The following ZDHHC14 variants were observed in gnomAD, a reference collection of about 807,000 sequenced individuals.
ZDHHC14 encodes palmitoyltransferase ZDHHC14.
Under a neutral mutation model 47.7 loss-of-function variants are expected in ZDHHC14, and 16 were observed. The observed-to-expected ratio is 0.34, with a 90% CI of 0.23 to 0.51. The LOEUF is 0.51. Among genes scored for constraint, ZDHHC14 ranks in the 20% least tolerant of loss-of-function variants. ZDHHC14 has a pLI of 0.97. For missense variants in ZDHHC14, 515 were observed against 662.5 expected, an observed-to-expected ratio of 0.78 and a Z score of 2.44; for synonymous variants, 293 against 278.9, an observed-to-expected ratio of 1.05 and a Z score of -0.50.
At chr6:157,493,219 AAG>A (rs1225474634) in intron 1 of ZDHHC14, among the ~76,000 whole-genome samples, 1 of 152,200 alleles carries the variant, frequency 6.6e-6, no homozygotes, top group Non-Finnish European at 1.5e-5. Context: ...TGGGCGCAGG[AAG>A]AGAGGAGTCA....
chr6:157,534,291 G>A (rs147563373), intron 1 of ZDHHC14, among the ~76,000 whole-genome samples: 47 of 152,238 alleles, frequency 3.1e-4, no homozygotes, highest in Middle Eastern at 3.4e-3. Context: ...GATGCCTTAC[G>A]GTTCCAGGAT....
At chr6:157,523,771 C>T (rs1242646599) in intron 1 of ZDHHC14, among the ~76,000 whole-genome samples, 1 of 149,964 alleles carries the variant, frequency 6.7e-6, no homozygotes, top group South Asian at 2.1e-4. Context: ...GACAGTTGTG[C>T]GTGCCTGTAG....
At chr6:157,666,592 C>T (rs1778564104) in intron 8 of ZDHHC14, among the ~76,000 whole-genome samples, 1 of 152,160 alleles carries the variant, frequency 6.6e-6, no homozygotes. Context: ...AGCAGAAATA[C>T]ATGATGCGTA....
intron 3 of ZDHHC14, among the ~76,000 whole-genome samples, chr6:157,627,539 C>G (rs1268838657): frequency 6.6e-6 from 1 of 152,162 alleles, no homozygotes; most frequent in East Asian, 1.9e-4. Flanking sequence ...GTGCAGATGT[C>G]CAGGTGAGAG....
At chr6:157,460,669 G>A (rs1255967039) in intron 1 of ZDHHC14, among the ~76,000 whole-genome samples, 1 of 152,202 alleles carries the variant, frequency 6.6e-6, no homozygotes, top group Non-Finnish European at 1.5e-5. Flanking sequence ...CAGAAGTCTG[G>A]AATGTGTGTC....
At chr6:157,434,218 T>TTATATATA (rs373321908) in intron 1 of ZDHHC14, among the ~76,000 whole-genome samples, 19,399 of 146,292 alleles carry the variant, frequency 0.13, 1,318 homozygotes, top group South Asian at 0.17. Flanking sequence ...GCTTATAATT[T>TTATATATA]TATATATATA....
In ZDHHC14 at chr6:157,427,793, A is replaced by G. The variant is rs1426188847; in HGVS notation, c.245+45527A>G. ...GACCACCTTCCATCGGAGTGTGGAA[A>G]CAGGTTTTCATCAAGATCCTTTCCA... On this transcript the variant is annotated intron_variant, in intron 1 of 8. Coordinates refer to ENST00000359775, the MANE Select transcript of ZDHHC14 (RefSeq NM_024630.3). This position sits in a 1 kb window ranked among gnomAD's most constrained non-coding sequence, Gnocchi z 4.4. Among the ~76,000 whole-genome samples, 1 of 152,158 alleles carries G rather than the reference A, an allele frequency of 6.6e-6. No individual in the cohort carries two copies. Among genetic ancestry groups the G allele is most frequent in the African/African-American group, 2.4e-5 (1 of 41,422 alleles).
intron 2 of ZDHHC14, among the ~76,000 whole-genome samples, chr6:157,571,778 T>A (rs1315596804): frequency 2.2e-5 from 3 of 134,630 alleles, no homozygotes; most frequent in African/African-American, 8.5e-5. Context: ...GAATCTGTAT[T>A]TTTTTTTTTT....
At chr6:157,436,078 A>G (rs539669769) in intron 1 of ZDHHC14, among the ~76,000 whole-genome samples, 49 of 152,184 alleles carry the variant, frequency 3.2e-4, no homozygotes, top group African/African-American at 1.1e-3. Context: ...AGGGAAGGCA[A>G]GTAGGTGGAG....
At chr6:157,531,255 G>T (rs1204072812) in intron 1 of ZDHHC14, among the ~76,000 whole-genome samples, 3 of 150,406 alleles carry the variant, frequency 2.0e-5, no homozygotes, top group African/African-American at 7.4e-5. Context: ...GAGGCACTGG[G>T]GATGCCACAG....
intron 1 of ZDHHC14, among the ~76,000 whole-genome samples, chr6:157,540,924 A>G (rs1470895337): frequency 9.7e-5 from 10 of 102,582 alleles, no homozygotes; most frequent in African/African-American, 1.5e-4. Flanking sequence ...ATATATATAT[A>G]TATATATATA....
At chr6:157,398,421 C>T (rs1777566221) in intron 1 of ZDHHC14, among the ~76,000 whole-genome samples, 1 of 152,178 alleles carries the variant, frequency 6.6e-6, no homozygotes, top group Non-Finnish European at 1.5e-5. Flanking sequence ...GCTCTGTCCC[C>T]TCTGGGGCTA....
At chr6:157,471,551 A>T (rs1779355584) in intron 1 of ZDHHC14, among the ~76,000 whole-genome samples, 1 of 152,236 alleles carries the variant, frequency 6.6e-6, no homozygotes, top group Non-Finnish European at 1.5e-5. Flanking sequence ...GATGAGAAGG[A>T]AGACGTTATC....
chr6:157,404,431 G>T (rs1010155895), intron 1 of ZDHHC14, among the ~76,000 whole-genome samples: 1 of 152,062 alleles, frequency 6.6e-6, no homozygotes, highest in Non-Finnish European at 1.5e-5. Context: ...CACTGTTCCC[G>T]GCCGGAAAAT....
intron 5 of ZDHHC14, among the ~76,000 whole-genome samples, chr6:157,645,516 G>T (rs542552156): frequency 3.8e-4 from 58 of 152,292 alleles, no homozygotes; most frequent in Non-Finnish European, 7.4e-4. Flanking sequence ...AGCCACAGAG[G>T]CTGCTCCACG....
intron 1 of ZDHHC14, among the ~76,000 whole-genome samples, chr6:157,455,057 T>G (rs958744114): frequency 1.3e-5 from 2 of 152,240 alleles, no homozygotes; most frequent in Non-Finnish European, 2.9e-5. Flanking sequence ...CCATTCTAGC[T>G]GCACATCTGT....
At chr6:157,667,666 C>A (rs1164794126) in intron 8 of ZDHHC14, among the ~76,000 whole-genome samples, 1 of 151,590 alleles carries the variant, frequency 6.6e-6, no homozygotes, top group Non-Finnish European at 1.5e-5. Flanking sequence ...GCCATCTCCA[C>A]AGTAACCCTG....
At chr6:157,445,443 A>G (rs1487458471) in intron 1 of ZDHHC14, among the ~76,000 whole-genome samples, 1 of 152,154 alleles carries the variant, frequency 6.6e-6, no homozygotes, top group Non-Finnish European at 1.5e-5. Context: ...TCTCCATGTC[A>G]TGCAGTTAGT....
chr6:157,432,384 G>C (rs1367608568), intron 1 of ZDHHC14, among the ~76,000 whole-genome samples: 1 of 152,148 alleles, frequency 6.6e-6, no homozygotes, highest in Non-Finnish European at 1.5e-5. Flanking sequence ...GCAGTCGGAG[G>C]CTGTGGGGGA....
Sources: allele counts gnomAD v4.1 joint callset (sites outside exome capture counted in the v4.1 genomes callset), GRCh38; gene constraint gnomAD v4.1.1; non-coding constraint Gnocchi (gnomAD v3.1); transcripts MANE v1.5; gene names NCBI Gene and HGNC (gene_info 2026-07-23, HGNC 2026-07-21).